DOCK7: variants seen among roughly 807,000 people sequenced by gnomAD.
The protein encoded by DOCK7 is dedicator of cytokinesis 7, also known as dedicator of cytokinesis protein 7.
Under a neutral mutation model 271.0 loss-of-function variants are expected in DOCK7, and 138 were observed. The ratio of observed to expected loss-of-function variants is 0.51; its 90% CI spans 0.44 to 0.59. The LOEUF (loss-of-function observed/expected upper bound fraction) is 0.59, where lower values mean the gene tolerates loss of function less well. DOCK7 is among the 20% of genes least tolerant of loss of function. The probability of loss-of-function intolerance (pLI) is 0.00; values close to 1 mark genes in which losing one functional copy is unlikely to be tolerated. For synonymous variants in DOCK7, 823 were observed against 876.1 expected, an observed-to-expected ratio of 0.94 and a Z score of 1.07; for missense variants, 2,066 against 2,592.4, an observed-to-expected ratio of 0.80 and a Z score of 4.41.
At chr1:62,631,184 C>CA (rs932481480) in intron 11 of DOCK7, 56 bp downstream of exon 11, 9,647 of 1,232,370 alleles carry the variant, frequency 7.8e-3, no homozygotes, top group South Asian at 0.011. Context: ...AACTCCATCT[C>CA]AAAAAAAAAA....
At chr1:62,607,672 T>A (rs1426155110) in intron 14 of DOCK7, 1 of 152,106 alleles carries the variant, frequency 6.6e-6, no homozygotes. Context: ...TTGTCTGGAG[T>A]TACAGGATAA....
rs1157774814 is a variant in DOCK7 at position 62,535,504 on chromosome 1, A to G, written c.3600T>C (p.Pro1200=). 1.9e-6 allele frequency: 3 copies of G among 1,613,732 alleles called. No individual in the cohort carries two copies. Among genetic ancestry groups the G allele is most frequent in the Non-Finnish European group, 2.5e-6 (3 of 1,179,844 alleles). Residue 1200 remains proline, a synonymous_variant, in exon 29 of 50, where the codon CCT becomes CCC. Coordinates refer to ENST00000635253, the MANE Select transcript of DOCK7 (RefSeq NM_001367561.1). ...ACTAGTGTACTCACCCTTCAGCATC[A>G]GGGTCTAAAATGACAGCCAGCTCTG... is the stretch of plus-strand genomic sequence containing the variant. ...VLTELAVILD[P]DAEGLFGLHK... is the part of the protein sequence containing the mutation.
chr1:62,498,326 C>T (rs1360676108), intron 37 of DOCK7, among the ~76,000 whole-genome samples: 3 of 152,118 alleles, frequency 2.0e-5, no homozygotes, highest in African/African-American at 7.2e-5. Context: ...ATTATCTTTA[C>T]CTAAAAAGCT....
At chr1:62,498,895 G>A (rs1459359589) in intron 37 of DOCK7, among the ~76,000 whole-genome samples, 1 of 151,764 alleles carries the variant, frequency 6.6e-6, no homozygotes, top group Non-Finnish European at 1.5e-5. Context: ...TCTGCCTTCT[G>A]GGTTCAAGCA....
At chr1:62,481,283 G>A (rs1054440053) in intron 43 of DOCK7, 2 of 152,188 alleles carry the variant, frequency 1.3e-5, no homozygotes, top group African/African-American at 4.8e-5. Flanking sequence ...TAACTACAAG[G>A]AGTTACTGGA....
At chr1:62,498,095 T>C (rs557652090) in intron 37 of DOCK7, among the ~76,000 whole-genome samples, 25 of 148,706 alleles carry the variant, frequency 1.7e-4, no homozygotes, top group African/African-American at 5.6e-4. Flanking sequence ...TTTTTTTTAA[T>C]TAGCTAGATG....
chr1:62,670,960 G>A (rs981371692), intron 1 of DOCK7, among the ~76,000 whole-genome samples: 1 of 152,030 alleles, frequency 6.6e-6, no homozygotes, highest in Non-Finnish European at 1.5e-5. Context: ...AACACTCCCC[G>A]CGAAGATCTG....
In DOCK7 at chr1:62,648,785, TG is replaced by T. The variant is rs1442640303; in HGVS notation, c.390-242del. Among the ~76,000 whole-genome samples, 4 of 152,154 alleles carry T rather than the reference TG, an allele frequency of 2.6e-5. No individual in the cohort carries two copies. In the East Asian group the frequency reaches 7.8e-4, roughly 30 times the overall value. On this transcript the variant is annotated intron_variant, in intron 4 of 49. Transcript: ENST00000635253. ...TTTCCTTCTTTCCATGCCAATCATGTGTATATAAATTAAGCTGTACTTTCAA... is the reference window on the plus strand; with the variant it reads ...TTTCCTTCTTTCCATGCCAATCATGTTATATAAATTAAGCTGTACTTTCAA...
chr1:62,598,744 G>A (rs144284900), intron 14 of DOCK7: 29 of 1,611,132 alleles, frequency 1.8e-5, no homozygotes, highest in African/African-American at 2.7e-5. Context: ...TCTCCAGACC[G>A]TGGAAGACCA....
At chr1:62,623,538 C>T (rs1653546526) in intron 12 of DOCK7, among the ~76,000 whole-genome samples, 1 of 152,156 alleles carries the variant, frequency 6.6e-6, no homozygotes, top group South Asian at 2.1e-4. Context: ...TTGATTTATG[C>T]TTATAATACC....
chr1:62,616,192 G>C (rs1408741318), intron 14 of DOCK7, among the ~76,000 whole-genome samples: 1 of 151,712 alleles, frequency 6.6e-6, no homozygotes, highest in Non-Finnish European at 1.5e-5. Context: ...ACATCCTTAA[G>C]AGAAAACAAC....
chr1:62,508,261 C>A (rs1272337327), intron 34 of DOCK7, among the ~76,000 whole-genome samples: 1 of 150,542 alleles, frequency 6.6e-6, no homozygotes, highest in Non-Finnish European at 1.5e-5. Flanking sequence ...CACTTTCTCA[C>A]CCCATTACAG....
At chr1:62,571,607 G>T (rs963791120) in intron 18 of DOCK7, among the ~76,000 whole-genome samples, 1 of 152,146 alleles carries the variant, frequency 6.6e-6, no homozygotes, top group Non-Finnish European at 1.5e-5. Flanking sequence ...GCATGTGTAT[G>T]TTCATTGCAG....
intron 7 of DOCK7, among the ~76,000 whole-genome samples, chr1:62,646,994 T>C (rs1026442531): frequency 2.6e-5 from 4 of 152,214 alleles, no homozygotes; most frequent in African/African-American, 7.2e-5. Context: ...ACTTAATCTA[T>C]CTAACATGTT....
rs1370493680 is a variant in DOCK7, at chr1:62,648,283, A to C, written c.555T>G (p.Asp185Glu). 1.2e-5 allele frequency: 20 copies of C among 1,613,492 alleles called. No homozygotes were observed. Among genetic ancestry groups the C allele is most frequent in the Non-Finnish European group, 1.6e-5 (19 of 1,179,608 alleles). Residue 185 changes from aspartate to glutamate, a missense_variant, in exon 6 of 50, where the codon GAT becomes GAG. By Grantham distance (45) the Asp-to-Glu change is conservative. Transcript: ENST00000635253. ...DLKRRSMSID[D>E]TPRGSWACSI... The stretch of plus-strand genomic sequence containing the variant: ...TACAGGCCCAGCTACCCCTTGGGGT[A>C]TCATCTATTGACATTGAACGTCTTT...
chr1:62,530,560 T>C (rs1401672484), intron 29 of DOCK7: 1 of 152,242 alleles, frequency 6.6e-6, no homozygotes, highest in Non-Finnish European at 1.5e-5. Flanking sequence ...GAAATCTAGA[T>C]GGAGATTCTT....
At chr1:62,464,901 A>C (rs1459490489) in intron 48 of DOCK7, among the ~76,000 whole-genome samples, 1 of 152,204 alleles carries the variant, frequency 6.6e-6, no homozygotes, top group East Asian at 1.9e-4. Flanking sequence ...CAAATTGTGT[A>C]GTTGAGAAAA....
intron 20 of DOCK7, among the ~76,000 whole-genome samples, chr1:62,557,803 T>G (rs1646195994): frequency 6.6e-6 from 1 of 151,766 alleles, no homozygotes; most frequent in Admixed American, 6.6e-5. Context: ...CTTAAAACCT[T>G]CTTCTATAAT....
At chr1:62,647,586 A>G in intron 7 of DOCK7, 105 bp downstream of exon 7, 1 of 766,588 alleles carries the variant, frequency 1.3e-6, no homozygotes, top group Non-Finnish European at 2.2e-6. Flanking sequence ...ATACTTCTCA[A>G]AAGGACACAA....
Sources: allele counts gnomAD v4.1 joint callset (sites outside exome capture counted in the v4.1 genomes callset), GRCh38; gene constraint gnomAD v4.1.1; transcripts MANE v1.5; gene names NCBI Gene and HGNC (gene_info 2026-07-23, HGNC 2026-07-21).